The following NALF1 variants were observed in gnomAD, a reference collection of about 807,000 sequenced individuals.
NALF1 encodes family with sequence similarity 155 member A.
A neutral mutation model predicts 48.4 loss-of-function variants in NALF1; 3 were observed. That is an observed-to-expected ratio of 0.06 (90% CI 0.03 to 0.16). The LOEUF (loss-of-function observed/expected upper bound fraction) is 0.16. Among genes scored for constraint, NALF1 ranks in the 10% least tolerant of loss-of-function variants. The probability of loss-of-function intolerance (pLI) is 1.00; values close to 1 mark genes in which losing one functional copy is unlikely to be tolerated. For synonymous variants in NALF1, 262 were observed against 245.7 expected (o/e 1.07, Z -0.62); for missense variants, 526 against 571.5 (o/e 0.92, Z 0.81).
intron 1 of NALF1, among the ~76,000 whole-genome samples, chr13:107,378,411 T>C (rs965508078): frequency 3.1e-5 from 4 of 130,358 alleles, no homozygotes; most frequent in Non-Finnish European, 7.1e-5. Context: ...TATATATATG[T>C]ATGCATGTCT....
intron 1 of NALF1, among the ~76,000 whole-genome samples, chr13:107,759,764 T>G (rs1877213662): frequency 6.9e-6 from 1 of 145,290 alleles, no homozygotes; most frequent in African/African-American, 2.5e-5. Flanking sequence ...TGGCATTTAC[T>G]TTGCTTTTTT....
At chr13:107,662,255 G>A (rs1341035272) in intron 1 of NALF1, among the ~76,000 whole-genome samples, 1 of 152,150 alleles carries the variant, frequency 6.6e-6, no homozygotes, top group Non-Finnish European at 1.5e-5. Context: ...GAGGTCCCGG[G>A]GTCACAGGGT....
At chr13:107,351,332 A>C (rs1185486579) in intron 1 of NALF1, among the ~76,000 whole-genome samples, 1 of 152,068 alleles carries the variant, frequency 6.6e-6, no homozygotes, top group African/African-American at 2.4e-5. Flanking sequence ...CACTTTTTTG[A>C]AACCCAAATA....
intron 1 of NALF1, among the ~76,000 whole-genome samples, chr13:107,817,178 G>A (rs149691311): frequency 6.6e-6 from 1 of 152,288 alleles, no homozygotes; most frequent in Admixed American, 6.5e-5. Flanking sequence ...AGTAAATAAT[G>A]TGATCCTCAT....
Position 107,170,806 on chromosome 13 carries a change from G to C in NALF1, c.1088-20C>G. The C allele has an allele frequency of 6.2e-7, 1 of 1,609,460 alleles. No homozygotes were observed. Among genetic ancestry groups the C allele is most frequent in the Non-Finnish European group, 8.5e-7 (1 of 1,176,224 alleles). ...AAAGCCCTGTAGGAAGAAGGAAGTAGAGTGTCAGCAGGAAGGAAATACATT... is the reference window on the plus strand; with the variant it reads ...AAAGCCCTGTAGGAAGAAGGAAGTACAGTGTCAGCAGGAAGGAAATACATT... On this transcript the variant is annotated intron_variant, in intron 2 of 2. Transcript: ENST00000375915.
intron 1 of NALF1, among the ~76,000 whole-genome samples, chr13:107,639,109 C>A (rs981490248): frequency 6.6e-6 from 1 of 152,124 alleles, no homozygotes; most frequent in Non-Finnish European, 1.5e-5. Flanking sequence ...TGAAAAAAAG[C>A]TGCTCCTATG....
chr13:107,184,053 C>G lies in NALF1; in HGVS notation c.1088-13267G>C, dbSNP rs373618709. ...AGTGCAGTGGCATGATCATGGCTCA[C>G]GGCAACCTCTGCCTCTCAGGTTCAA... is the stretch of plus-strand genomic sequence containing the variant. On this transcript the variant is annotated intron_variant, in intron 2 of 2. Coordinates refer to ENST00000375915, the MANE Select transcript of NALF1 (RefSeq NM_001080396.3). Among the ~76,000 whole-genome samples the G allele has an allele frequency of 5.3e-5, 8 of 151,314 alleles. No individual in the cohort carries two copies. The South Asian group carries it at 1.7e-3, about 32-fold the overall frequency.
chr13:107,677,493 T>A (rs1041272153), intron 1 of NALF1, among the ~76,000 whole-genome samples: 1 of 152,234 alleles, frequency 6.6e-6, no homozygotes, highest in East Asian at 1.9e-4. Context: ...ATAGAATGTA[T>A]AATCAATTAT....
At chr13:107,390,862 C>T (rs1373017103) in intron 1 of NALF1, among the ~76,000 whole-genome samples, 2 of 137,994 alleles carry the variant, frequency 1.4e-5, no homozygotes, top group Admixed American at 7.3e-5. Context: ...AAAGTCAAGA[C>T]CTGCAGCCAG....
In NALF1 at chr13:107,797,431, G is replaced by A. The variant is rs893774372; in HGVS notation, c.915+68251C>T. Among the ~76,000 whole-genome samples, 5 of 152,116 alleles carry A rather than the reference G, an allele frequency of 3.3e-5. No homozygotes were observed. The East Asian group carries it at 5.8e-4, about 18-fold the overall frequency. ...TCACCGTGTTGGCCAGGATGGTCTC[G>A]ATCTCCTGACCTCATGATCCGCCTG... is the stretch of plus-strand genomic sequence containing the variant. On this transcript the variant is annotated intron_variant, in intron 1 of 2. Transcript: ENST00000375915.
At chr13:107,300,193 A>G (rs1337830106) in intron 1 of NALF1, among the ~76,000 whole-genome samples, 1 of 152,226 alleles carries the variant, frequency 6.6e-6, no homozygotes, top group Non-Finnish European at 1.5e-5. Flanking sequence ...ATAGGATTAA[A>G]GGCTATGGTG....
intron 1 of NALF1, among the ~76,000 whole-genome samples, chr13:107,651,424 T>C (rs10220004): frequency 0.67 from 102,659 of 152,126 alleles, 34,844 homozygotes; most frequent in East Asian, 0.79. Context: ...TTTTCATCAG[T>C]ATTTTGATGT....
chr13:107,800,738 TATATG>T (rs998636623), intron 1 of NALF1, among the ~76,000 whole-genome samples: 3 of 147,856 alleles, frequency 2.0e-5, no homozygotes, highest in African/African-American at 4.9e-5. Context: ...AATTATATAA[TATATG>T]ATATAATATA....
chr13:107,538,855 T>C (rs1228510929), intron 1 of NALF1, among the ~76,000 whole-genome samples: 1 of 152,194 alleles, frequency 6.6e-6, no homozygotes, highest in Non-Finnish European at 1.5e-5. Context: ...CATAGCACTT[T>C]AAATATAGTT....
chr13:107,464,783 G>T (rs991074877), intron 1 of NALF1, among the ~76,000 whole-genome samples: 4 of 152,138 alleles, frequency 2.6e-5, no homozygotes, highest in African/African-American at 9.6e-5. Flanking sequence ...GCCTCCCAAA[G>T]TGCTGGAATT....
At chr13:107,855,093 T>C (rs2138645471) in intron 1 of NALF1, among the ~76,000 whole-genome samples, 1 of 152,174 alleles carries the variant, frequency 6.6e-6, no homozygotes, top group Non-Finnish European at 1.5e-5. Context: ...TGCAGAGGCG[T>C]TTCGCTGACA....
rs570021570 is a variant in NALF1 at position 107,624,215 on chromosome 13, T to A, written c.915+241467A>T. ...ACACAAGAAAATGGTAGAGGGAGTATTCGCCGTTCTTCTGACTTTGTAGCT... is the reference window on the plus strand; with the variant it reads ...ACACAAGAAAATGGTAGAGGGAGTAATCGCCGTTCTTCTGACTTTGTAGCT... On this transcript the variant is annotated intron_variant, in intron 1 of 2. Coordinates refer to ENST00000375915, the MANE Select transcript of NALF1 (RefSeq NM_001080396.3). Among the ~76,000 whole-genome samples the A allele has an allele frequency of 3.9e-5, 6 of 152,302 alleles. No homozygotes were observed. In the South Asian group the frequency reaches 8.3e-4, roughly 21 times the overall value.
At chr13:107,630,975 A>G (rs111912515) in intron 1 of NALF1, among the ~76,000 whole-genome samples, 91 of 152,082 alleles carry the variant, frequency 6.0e-4, no homozygotes, top group African/African-American at 1.8e-3. Flanking sequence ...GAAAAATAGC[A>G]TTTTTTCTTA....
At chr13:107,604,542 A>T (rs1389491590) in intron 1 of NALF1, among the ~76,000 whole-genome samples, 1 of 152,196 alleles carries the variant, frequency 6.6e-6, no homozygotes, top group African/African-American at 2.4e-5. Flanking sequence ...TTCAGTTAAC[A>T]TGTCTGATAT....
Sources: allele counts gnomAD v4.1 joint callset (sites outside exome capture counted in the v4.1 genomes callset), GRCh38; gene constraint gnomAD v4.1.1; transcripts MANE v1.5; gene names NCBI Gene and HGNC (gene_info 2026-07-23, HGNC 2026-07-21).